Variants in PKHD1 observed in about 807,000 individuals in gnomAD.
PKHD1 encodes fibrocystin.
A neutral mutation model predicts 412.0 loss-of-function variants in PKHD1; 291 were observed. That is an observed-to-expected ratio of 0.71 (90% CI 0.64 to 0.78). The LOEUF (loss-of-function observed/expected upper bound fraction) is 0.78, where lower values mean the gene tolerates loss of function less well. Among genes scored for constraint, PKHD1 ranks in the 30% least tolerant of loss-of-function variants. The pLI is 0.00. For missense variants in PKHD1, 4,825 were observed against 4,950.7 expected, an observed-to-expected ratio of 0.97 and a Z score of 0.76; for synonymous variants, 1,777 against 1,821.5, an observed-to-expected ratio of 0.98 and a Z score of 0.62.
At chr6:51,769,370 A>T (rs1455679678) in intron 55 of PKHD1, among the ~76,000 whole-genome samples, 1 of 151,338 alleles carries the variant, frequency 6.6e-6, no homozygotes, top group Admixed American at 6.6e-5. Flanking sequence ...GCCAATTATG[A>T]TAATTCTAAA....
chr6:51,674,492 T>G (rs1003493284), intron 60 of PKHD1, among the ~76,000 whole-genome samples: 1 of 152,212 alleles, frequency 6.6e-6, no homozygotes, highest in Non-Finnish European at 1.5e-5. Context: ...GCAAGTTTAA[T>G]TATCCATAGT....
intron 27 of PKHD1, among the ~76,000 whole-genome samples, chr6:52,037,923 T>C (rs1804201035): frequency 6.6e-6 from 1 of 152,236 alleles, no homozygotes; most frequent in African/African-American, 2.4e-5. Context: ...GGCTGAATTA[T>C]GTCTCCCACA....
At chr6:51,949,721 T>A (rs1404876518) in intron 36 of PKHD1, among the ~76,000 whole-genome samples, 1 of 152,102 alleles carries the variant, frequency 6.6e-6, no homozygotes, top group African/African-American at 2.4e-5. Flanking sequence ...AGGAAATAGA[T>A]GCCTGAGCCC....
chr6:52,054,067 G>A lies in PKHD1; in HGVS notation c.1935C>T (p.Asp645=), dbSNP rs1316466335. 6.2e-7 allele frequency: 1 copy of A among 1,613,904 alleles called. No individual in the cohort carries two copies. Among genetic ancestry groups the A allele is most frequent in the South Asian group, 1.1e-5 (1 of 91,068 alleles). The change falls in exon 20 of 67, where the codon GAC becomes GAT. Residue 645 remains aspartate (D), a synonymous_variant. Coordinates refer to ENST00000371117, the MANE Select transcript of PKHD1 (RefSeq NM_138694.4). ...CGGGGCTGGTCCTCGTGAGACTCCAGTCACAGGTGGTATTCTTTACCATGT... is the reference window on the plus strand; with the variant it reads ...CGGGGCTGGTCCTCGTGAGACTCCAATCACAGGTGGTATTCTTTACCATGT... ...FQNMVKNTTC[D]WSLTRTSPES...
At chr6:51,981,404 T>C in intron 35 of PKHD1, among the ~76,000 whole-genome samples, 1 of 140,404 alleles carries the variant, frequency 7.1e-6, no homozygotes, top group Non-Finnish European at 1.5e-5. Context: ...GAGCCAAGGC[T>C]GGACGGTGCT....
chr6:51,943,335 T>C (rs1393635316), intron 36 of PKHD1, among the ~76,000 whole-genome samples: 3 of 151,300 alleles, frequency 2.0e-5, no homozygotes, highest in African/African-American at 4.8e-5. Flanking sequence ...GACGCTCCTT[T>C]TTATTAGGCC....
intron 37 of PKHD1, among the ~76,000 whole-genome samples, chr6:51,933,047 C>A (rs1786902749): frequency 2.0e-5 from 3 of 152,162 alleles, no homozygotes; most frequent in Non-Finnish European, 4.4e-5. Flanking sequence ...ATTATGATTT[C>A]TGGAGATTGA....
At chr6:51,908,540 T>G (rs763393749) in intron 40 of PKHD1, among the ~76,000 whole-genome samples, 4 of 152,186 alleles carry the variant, frequency 2.6e-5, no homozygotes, top group Non-Finnish European at 4.4e-5. Context: ...CATTCTGTGA[T>G]TCTCTGCATG....
intron 14 of PKHD1, 74 bp from the exon 15 acceptor site, chr6:52,060,116 G>T: frequency 1.2e-6 from 1 of 804,192 alleles, no homozygotes; most frequent in South Asian, 1.4e-5. Context: ...GACTGCCCTT[G>T]TACTTTGTCT....
intron 60 of PKHD1, among the ~76,000 whole-genome samples, chr6:51,731,229 GA>G (rs1783199545): frequency 6.6e-6 from 1 of 151,876 alleles, no homozygotes; most frequent in Non-Finnish European, 1.5e-5. Flanking sequence ...GAAAAAAAGA[GA>G]AAAAAGAAAT....
At chr6:51,709,094 C>T (rs1236952850) in intron 60 of PKHD1, among the ~76,000 whole-genome samples, 1 of 152,100 alleles carries the variant, frequency 6.6e-6, no homozygotes, top group African/African-American at 2.4e-5. Flanking sequence ...CCCTTGATGC[C>T]CTGAACTTTC....
At chr6:51,976,043 T>G (rs373932833) in intron 35 of PKHD1, 1 of 150,670 alleles carries the variant, frequency 6.6e-6, no homozygotes. Context: ...AGAACTCTTG[T>G]GTATTGCTGG....
At chr6:51,637,012 A>T (rs1768665630) in intron 64 of PKHD1, among the ~76,000 whole-genome samples, 2 of 152,216 alleles carry the variant, frequency 1.3e-5, no homozygotes, top group Admixed American at 1.3e-4. Context: ...CTGTAAGTAG[A>T]AACTACAATA....
rs4711996 is a variant in PKHD1, at chr6:52,070,263, T to G, written c.707+143A>C. The G allele has an allele frequency of 0.99, 650,569 of 658,234 alleles. 321,859 individuals carry two copies. The highest frequency in any genetic ancestry group is 1 in the East Asian group (36,728 of 36,728). The allele number at this position is 658,234 out of a possible 1,614,324, so 40.8% of individuals were successfully genotyped here. On this transcript the variant is annotated intron_variant, in intron 10 of 66. Transcript: ENST00000371117. Reference sequence around the variant, plus strand: ...TCACCCAGGTAAAAAAGTCAAGGAGTTATATGTGGTCTCATTATACTATTC... The same window carrying G: ...TCACCCAGGTAAAAAAGTCAAGGAGGTATATGTGGTCTCATTATACTATTC...
chr6:51,991,687 A>G (rs1161627417), intron 35 of PKHD1, among the ~76,000 whole-genome samples: 1 of 152,220 alleles, frequency 6.6e-6, no homozygotes, highest in East Asian at 1.9e-4. Context: ...CCAGTAAAGA[A>G]TAGGGTCAAT....
chr6:51,804,207 T>C lies in PKHD1; in HGVS notation c.8303-12834A>G, dbSNP rs184116906. ...ACCTCATTTGCTCATAACTACCAAA[T>C]GGCCAGAATCCCACTGATGCCCAAC... On this transcript the variant is annotated intron_variant, in intron 52 of 66. Transcript: ENST00000371117. Among the ~76,000 whole-genome samples, 305 of 151,272 alleles carry C rather than the reference T, an allele frequency of 2.0e-3. 1 individual carries two copies. Among genetic ancestry groups the C allele is most frequent in the Non-Finnish European group, 3.5e-3 (240 of 68,014 alleles).
intron 35 of PKHD1, among the ~76,000 whole-genome samples, chr6:51,986,548 TA>T (rs1278395908): frequency 6.6e-6 from 1 of 152,214 alleles, no homozygotes; most frequent in Non-Finnish European, 1.5e-5. Context: ...ATAGAGTTAT[TA>T]TTTTTTTAAA....
chr6:51,902,075 G>A (rs939961413), intron 43 of PKHD1, among the ~76,000 whole-genome samples: 2 of 152,164 alleles, frequency 1.3e-5, no homozygotes, highest in Non-Finnish European at 2.9e-5. Flanking sequence ...ACTACCCAGT[G>A]AGACAAGGAC....
chr6:51,660,018 C>A (rs1237366191), intron 60 of PKHD1, 49 bp from the exon 61 acceptor site: 1 of 1,121,202 alleles, frequency 8.9e-7, no homozygotes, highest in South Asian at 1.3e-5. Context: ...TATAATCTGT[C>A]AATGATTATT....
Sources: allele counts gnomAD v4.1 joint callset (sites outside exome capture counted in the v4.1 genomes callset), GRCh38; gene constraint gnomAD v4.1.1; transcripts MANE v1.5; gene names NCBI Gene and HGNC (gene_info 2026-07-23, HGNC 2026-07-21).